The following GLIS3 variants were observed in gnomAD, a reference collection of about 807,000 sequenced individuals.
GLIS3 encodes the protein GLIS family zinc finger 3, also known as zinc finger protein GLIS3.
A neutral mutation model predicts 78.6 loss-of-function variants in GLIS3; 53 were observed. The ratio of observed to expected loss-of-function variants is 0.67; its 90% CI spans 0.54 to 0.85. GLIS3 has a LOEUF of 0.85. Among genes scored for constraint, GLIS3 ranks in the 40% least tolerant of loss-of-function variants. GLIS3 has a pLI of 0.00. For missense variants in GLIS3, 1,703 were observed against 1,231.1 expected (o/e 1.38, Z -5.74); for synonymous variants, 684 against 509.9 (o/e 1.34, Z -4.60).
At chr9:3,960,094 GC>G (rs1817448985) in intron 4 of GLIS3, among the ~76,000 whole-genome samples, 2 of 152,164 alleles carry the variant, frequency 1.3e-5, no homozygotes, top group African/African-American at 2.4e-5. Flanking sequence ...CCGAGATGGA[GC>G]CACTGCACTC....
intron 2 of GLIS3, among the ~76,000 whole-genome samples, chr9:4,127,483 C>G (rs1042119799): frequency 1.3e-5 from 2 of 152,122 alleles, no homozygotes; most frequent in African/African-American, 4.8e-5. Flanking sequence ...TATAGATATT[C>G]TGTTTTCGTA....
chr9:3,859,660 T>C (rs1820045528), intron 8 of GLIS3, among the ~76,000 whole-genome samples: 1 of 152,162 alleles, frequency 6.6e-6, no homozygotes, highest in African/African-American at 2.4e-5. Context: ...TTCTGACATC[T>C]TTTCTAGGTC....
chr9:4,145,054 G>T (rs568459576), intron 2 of GLIS3: 6 of 152,268 alleles, frequency 3.9e-5, no homozygotes, highest in East Asian at 1.9e-4. Context: ...TGAAAGCAAG[G>T]CTTAACTGAC....
In GLIS3 at chr9:4,074,572, CT is replaced by C. The variant is rs1827895483; in HGVS notation, c.1710+43195del. The stretch of plus-strand genomic sequence containing the variant: ...TACCCAACTGTATTATATTTTCTTT[CT>C]TATGGCTCTATATTTTATAACTGAA... On this transcript the variant is annotated intron_variant, in intron 4 of 10. Coordinates refer to ENST00000381971, the MANE Select transcript of GLIS3 (RefSeq NM_001042413.2). Among the ~76,000 whole-genome samples the C allele has an allele frequency of 2.0e-5, 3 of 152,102 alleles. No individual in the cohort carries two copies. The South Asian group carries it at 6.2e-4, about 32-fold the overall frequency.
intron 4 of GLIS3, among the ~76,000 whole-genome samples, chr9:3,957,911 C>A (rs952323148): frequency 6.6e-6 from 1 of 152,238 alleles, no homozygotes; most frequent in Non-Finnish European, 1.5e-5. Context: ...CTTCGTGGGA[C>A]TGGCAACCAA....
At chr9:4,031,905 A>G (rs909400362) in intron 4 of GLIS3, among the ~76,000 whole-genome samples, 2 of 152,184 alleles carry the variant, frequency 1.3e-5, no homozygotes, top group East Asian at 1.9e-4. Context: ...TTTCATGCCA[A>G]TATATACAGG....
At chr9:3,872,369 A>G (rs554423620) in intron 8 of GLIS3, among the ~76,000 whole-genome samples, 2 of 152,208 alleles carry the variant, frequency 1.3e-5, no homozygotes, top group Non-Finnish European at 1.5e-5. Context: ...CTCTACTGGT[A>G]GCAATTTACT....
chr9:4,085,833 C>T (rs533991635), intron 4 of GLIS3, among the ~76,000 whole-genome samples: 4 of 152,274 alleles, frequency 2.6e-5, no homozygotes, highest in South Asian at 2.1e-4. Context: ...CTTCCCCTTC[C>T]GCCATGAGTA....
intron 4 of GLIS3, among the ~76,000 whole-genome samples, chr9:4,074,236 A>G (rs1827868573): frequency 6.6e-6 from 1 of 152,172 alleles, no homozygotes; most frequent in Admixed American, 6.5e-5. Flanking sequence ...TGGGTCCCCA[A>G]ACCATAGTTT....
At chr9:3,940,641 C>T (rs1006571808) in intron 4 of GLIS3, among the ~76,000 whole-genome samples, 9 of 152,184 alleles carry the variant, frequency 5.9e-5, no homozygotes, top group South Asian at 2.1e-4. Flanking sequence ...ACAAGAGAAA[C>T]GTGAACCAAC....
chr9:4,114,747 G>A (rs561530445), intron 4 of GLIS3, among the ~76,000 whole-genome samples: 22 of 152,160 alleles, frequency 1.4e-4, no homozygotes, highest in African/African-American at 5.1e-4. Flanking sequence ...GGGTGGGAAT[G>A]TCTCTGCAAT....
At chr9:3,967,015 AAAAAAAAAAAAAAAAAAAC>A (rs951645218) in intron 4 of GLIS3, among the ~76,000 whole-genome samples, 1 of 133,204 alleles carries the variant, frequency 7.5e-6, no homozygotes, top group Non-Finnish European at 1.6e-5. Context: ...TTTCTGCAAA[AAAAAAAAAAAAAAAAAAAC>A]AAAAAAACAT....
chr9:4,485,325 T>A, the GLIS3 span, among the ~76,000 whole-genome samples: 1 of 152,006 alleles, frequency 6.6e-6, no homozygotes, highest in Non-Finnish European at 1.5e-5. Flanking sequence ...CTAAGGTTGG[T>A]CTTCTGAGAT....
intron 2 of GLIS3, among the ~76,000 whole-genome samples, chr9:4,278,887 G>C (rs1255299110): frequency 6.6e-6 from 1 of 152,264 alleles, no homozygotes; most frequent in African/African-American, 2.4e-5. Context: ...ATAATGCAAT[G>C]TGTGGTACAC....
chr9:3,880,456 CATT>C (rs1001600104), intron 7 of GLIS3, among the ~76,000 whole-genome samples: 19 of 152,344 alleles, frequency 1.2e-4, no homozygotes, highest in African/African-American at 4.3e-4. Context: ...GTAGACATCT[CATT>C]ATGCTGCAAT....
At chr9:4,159,033 G>GAAAAAAA (rs1315271767) in intron 2 of GLIS3, among the ~76,000 whole-genome samples, 1 of 87,658 alleles carries the variant, frequency 1.1e-5, no homozygotes, top group African/African-American at 4.0e-5. Flanking sequence ...AGGAGAAGAA[G>GAAAAAAA]AAAAAAAAAA....
chr9:4,397,078 T>A, the GLIS3 span, among the ~76,000 whole-genome samples: 1 of 140,926 alleles, frequency 7.1e-6, no homozygotes, highest in Non-Finnish European at 1.5e-5. Context: ...CAGGCTGGAG[T>A]GCAGTGGCGC....
intron 1 of GLIS3, among the ~76,000 whole-genome samples, chr9:4,288,609 A>G (rs551723653): frequency 6.6e-6 from 1 of 152,220 alleles, no homozygotes; most frequent in South Asian, 2.1e-4. Flanking sequence ...GCAAGAAGGA[A>G]AAATAATTAG....
intron 4 of GLIS3, among the ~76,000 whole-genome samples, chr9:3,967,566 A>G (rs1295393328): frequency 6.6e-6 from 1 of 152,144 alleles, no homozygotes; most frequent in Non-Finnish European, 1.5e-5. Flanking sequence ...GTATACCAGC[A>G]TATTTACTGC....
Sources: allele counts gnomAD v4.1 joint callset (sites outside exome capture counted in the v4.1 genomes callset), GRCh38; gene constraint gnomAD v4.1.1; transcripts MANE v1.5; gene names NCBI Gene and HGNC (gene_info 2026-07-23, HGNC 2026-07-21).